The following PAK5 variants were observed in gnomAD, a reference collection of about 807,000 sequenced individuals.
The protein encoded by PAK5 is serine/threonine-protein kinase PAK 5.
A neutral mutation model predicts 65.9 loss-of-function variants in PAK5; 16 were observed. That is an observed-to-expected ratio of 0.24 (90% CI 0.16 to 0.37). The LOEUF (loss-of-function observed/expected upper bound fraction) is 0.37. Among genes scored for constraint, PAK5 ranks in the 10% least tolerant of loss-of-function variants. PAK5 has a pLI of 1.00. For missense variants in PAK5, 785 were observed against 903.9 expected (o/e 0.87, Z 1.69); for synonymous variants, 371 against 354.9 (o/e 1.05, Z -0.51).
chr20:9,666,765 T>C (rs1284055406), intron 2 of PAK5, among the ~76,000 whole-genome samples: 1 of 152,210 alleles, frequency 6.6e-6, no homozygotes, highest in Admixed American at 6.5e-5. Flanking sequence ...TGTATAGGTA[T>C]GTTGCTTGTC....
chr20:9,638,821 A>G (rs1262080908), intron 3 of PAK5, among the ~76,000 whole-genome samples: 1 of 152,124 alleles, frequency 6.6e-6, no homozygotes, highest in East Asian at 1.9e-4. Flanking sequence ...TGTTGGTGGC[A>G]ACGGCAGATT....
chr20:9,612,299 T>C (rs2046577804), intron 3 of PAK5, among the ~76,000 whole-genome samples: 1 of 152,212 alleles, frequency 6.6e-6, no homozygotes, highest in Non-Finnish European at 1.5e-5. Flanking sequence ...GGAGAACATA[T>C]TTCTCAGTGT....
chr20:9,655,958 C>T (rs944389543), intron 2 of PAK5, among the ~76,000 whole-genome samples: 1 of 151,950 alleles, frequency 6.6e-6, no homozygotes, highest in African/African-American at 2.4e-5. Flanking sequence ...AACTAATGAC[C>T]TCATTTTAAT....
At chr20:9,680,270 T>C (rs1600233943) in intron 2 of PAK5, among the ~76,000 whole-genome samples, 1 of 152,322 alleles carries the variant, frequency 6.6e-6, no homozygotes, top group East Asian at 1.9e-4. Context: ...GTTAAAGTTA[T>C]ATCAGCAAGC....
intron 1 of PAK5, among the ~76,000 whole-genome samples, chr20:9,755,268 T>C (rs2048620710): frequency 6.6e-6 from 1 of 152,244 alleles, no homozygotes; most frequent in Admixed American, 6.5e-5. Context: ...GCAAGTGCCA[T>C]TGCTTCAAGT....
chr20:9,766,262 A>ATTGAATATATGTATATTCTAC (rs2048757252), intron 1 of PAK5, among the ~76,000 whole-genome samples: 1 of 52,114 alleles, frequency 1.9e-5, no homozygotes, highest in African/African-American at 1.1e-4. Context: ...ATATGTTCTA[A>ATTGAATATATGTATATTCTAC]TTGAATATAT....
intron 3 of PAK5, among the ~76,000 whole-genome samples, chr20:9,603,813 T>G (rs1235232459): frequency 6.6e-6 from 1 of 152,118 alleles, no homozygotes; most frequent in Non-Finnish European, 1.5e-5. Flanking sequence ...ATTTTACAGG[T>G]GTGGAAACTG....
intron 3 of PAK5, among the ~76,000 whole-genome samples, chr20:9,601,374 G>C (rs1394374055): frequency 6.6e-6 from 1 of 152,032 alleles, no homozygotes; most frequent in East Asian, 1.9e-4. Context: ...AAAACAGAAA[G>C]GGTTGGTTCT....
At chr20:9,732,520 C>T (rs1468621063) in intron 1 of PAK5, among the ~76,000 whole-genome samples, 1 of 152,128 alleles carries the variant, frequency 6.6e-6, no homozygotes, top group African/African-American at 2.4e-5. Flanking sequence ...TACATCCTTC[C>T]AGGTTTAAAT....
intron 3 of PAK5, among the ~76,000 whole-genome samples, chr20:9,638,713 G>A (rs1022458517): frequency 1.3e-5 from 2 of 152,112 alleles, no homozygotes; most frequent in African/African-American, 4.8e-5. Flanking sequence ...GCCTAAATAA[G>A]TCTACACAGA....
intron 4 of PAK5, among the ~76,000 whole-genome samples, chr20:9,571,043 A>C (rs2045772276): frequency 6.6e-6 from 1 of 152,236 alleles, no homozygotes; most frequent in Non-Finnish European, 1.5e-5. Context: ...GTTGTCTTTC[A>C]CGGCTGCTGG....
chr20:9,648,436 A>C (rs2047161707), intron 2 of PAK5, among the ~76,000 whole-genome samples: 1 of 152,034 alleles, frequency 6.6e-6, no homozygotes, highest in Non-Finnish European at 1.5e-5. Context: ...TCCATATTTA[A>C]ATTCCAGGAG....
At chr20:9,631,225 C>T (rs2046916940) in intron 3 of PAK5, among the ~76,000 whole-genome samples, 2 of 152,178 alleles carry the variant, frequency 1.3e-5, no homozygotes, top group Admixed American at 6.5e-5. Flanking sequence ...TGATTATCCC[C>T]TCTCCATGAG....
chr20:9,731,704 C>T (rs980420652), intron 1 of PAK5, among the ~76,000 whole-genome samples: 4 of 152,120 alleles, frequency 2.6e-5, no homozygotes, highest in Admixed American at 2.6e-4. Context: ...TAAAATATGC[C>T]TGTTCTAAAG....
rs922951419 is a variant in PAK5 at position 9,590,703 on chromosome 20, T to A, written c.205-9773A>T. On this transcript the variant is annotated intron_variant, in intron 3 of 9. Coordinates refer to ENST00000353224, the MANE Select transcript of PAK5 (RefSeq NM_177990.4). ...AGGGAGTCATATGGCACCACAGGCA[T>A]CACTTCGTTTACTGTCTGCAGTTCT... Among the ~76,000 whole-genome samples, 4 of 151,818 alleles carry A rather than the reference T, an allele frequency of 2.6e-5. No homozygotes were observed. The South Asian group carries it at 6.3e-4, about 24-fold the overall frequency.
intron 2 of PAK5, among the ~76,000 whole-genome samples, chr20:9,651,807 C>G (rs1190186430): frequency 6.6e-6 from 1 of 152,128 alleles, no homozygotes; most frequent in Non-Finnish European, 1.5e-5. Flanking sequence ...TTAGAAAATC[C>G]TTTTGTCCAT....
chr20:9,755,269 T>A (rs887400027), intron 1 of PAK5, among the ~76,000 whole-genome samples: 2 of 152,226 alleles, frequency 1.3e-5, no homozygotes, highest in African/African-American at 4.8e-5. Context: ...CAAGTGCCAT[T>A]GCTTCAAGTT....
intron 3 of PAK5, among the ~76,000 whole-genome samples, chr20:9,622,908 G>GTT (rs1439814453): frequency 6.6e-6 from 1 of 152,130 alleles, no homozygotes; most frequent in African/African-American, 2.4e-5. Context: ...CTCTCTCTCT[G>GTT]TTTCTCTCTC....
At chr20:9,615,847 T>G (rs1447418117) in intron 3 of PAK5, among the ~76,000 whole-genome samples, 2 of 152,204 alleles carry the variant, frequency 1.3e-5, no homozygotes, top group African/African-American at 2.4e-5. Flanking sequence ...TGGTGACTCT[T>G]GTCTGGGGGC....
Sources: gnomAD v4.1 joint callset for allele counts (sites outside exome capture counted in the v4.1 genomes callset) on GRCh38, gnomAD v4.1.1 for gene constraint, MANE v1.5 for transcripts, NCBI Gene and HGNC (gene_info 2026-07-23, HGNC 2026-07-21) for gene names.